TBL1X: variants seen among roughly 807,000 people sequenced by gnomAD.
TBL1X encodes the protein F-box-like/WD repeat-containing protein TBL1X.
Under a neutral mutation model 50.7 loss-of-function variants are expected in TBL1X, and 10 were observed. The observed-to-expected ratio is 0.20, with a 90% confidence interval of 0.12 to 0.33. TBL1X has a LOEUF of 0.33. Ranked by LOEUF, TBL1X falls within the 10% of genes least tolerant of loss-of-function variation. The pLI, the probability that TBL1X is intolerant of heterozygous loss-of-function variation, is 1.00. For synonymous variants in TBL1X, 190 were observed against 214.7 expected, an observed-to-expected ratio of 0.88 and a Z score of 1.01; for missense variants, 340 against 504.4, an observed-to-expected ratio of 0.67 and a Z score of 3.12.
intron 2 of TBL1X, among the ~76,000 whole-genome samples, chrX:9,531,863 G>A (rs1039396537): frequency 3.6e-5 from 4 of 110,789 alleles, no homozygotes; most frequent in African/African-American, 1.3e-4. Flanking sequence ...CCCCCTAGTA[G>A]CTGGGATTAT....
At chrX:9,526,181 GAA>G (rs747604160) in intron 2 of TBL1X, among the ~76,000 whole-genome samples, 4 of 106,414 alleles carry the variant, frequency 3.8e-5, no homozygotes, top group Admixed American at 3.0e-4. Flanking sequence ...GAGAGAGAGA[GAA>G]AAAAAAACAC....
At chrX:9,618,252 G>T (rs947986084) in intron 2 of TBL1X, among the ~76,000 whole-genome samples, 5 of 111,985 alleles carry the variant, frequency 4.5e-5, no homozygotes, top group Non-Finnish European at 9.4e-5. Context: ...AGGAGAAAAT[G>T]ATCAGGCCAT....
chrX:9,631,218 G>A (rs375747887), intron 2 of TBL1X, among the ~76,000 whole-genome samples: 6 of 111,205 alleles, frequency 5.4e-5, no homozygotes, highest in African/African-American at 2.0e-4. Flanking sequence ...GGGGTTTGTT[G>A]TACAGATTAT....
intron 2 of TBL1X, among the ~76,000 whole-genome samples, chrX:9,605,420 C>T (rs778236946): frequency 2.7e-5 from 3 of 112,481 alleles, no homozygotes; most frequent in South Asian, 3.7e-4. Flanking sequence ...GGGTCTCTTT[C>T]GATCAGGTAG....
chrX:9,556,458 G>C (rs1161948240), intron 2 of TBL1X, among the ~76,000 whole-genome samples: 1 of 107,765 alleles, frequency 9.3e-6, no homozygotes, highest in Non-Finnish European at 1.9e-5. Flanking sequence ...AGGAGTTCGA[G>C]ACCAGCCTGG....
At chrX:9,620,640 A>G (rs1392912295) in intron 2 of TBL1X, among the ~76,000 whole-genome samples, 2 of 112,068 alleles carry the variant, frequency 1.8e-5, no homozygotes, top group African/African-American at 6.5e-5. Context: ...AGGCCAGCAC[A>G]TGCGAAGGCC....
intron 9 of TBL1X, among the ~76,000 whole-genome samples, chrX:9,692,564 C>T (rs2146638774): frequency 8.9e-6 from 1 of 112,351 alleles, no homozygotes; most frequent in East Asian, 2.8e-4. Context: ...CATGCCACCA[C>T]ACCTGGCTAA....
At chrX:9,657,044 C>T (rs1194418395) in intron 5 of TBL1X, among the ~76,000 whole-genome samples, 1 of 112,406 alleles carries the variant, frequency 8.9e-6, no homozygotes, top group East Asian at 2.8e-4. Flanking sequence ...GAAGATGATT[C>T]ATTCCTCAGC....
rs188275367 is a variant in TBL1X, at chrX:9,599,013, G to A, written c.-130-41260G>A. Among the ~76,000 whole-genome samples, 627 of 108,160 alleles carry A rather than the reference G, an allele frequency of 5.8e-3. 4 individuals carry two copies. Among genetic ancestry groups the A allele is most frequent in the African/African-American group, 0.02 (581 of 29,661 alleles). 93.9% of individuals were successfully genotyped at this position (108,160 alleles called of 115,157 possible). On this transcript the variant is annotated intron_variant, in intron 2 of 17. Coordinates refer to ENST00000645353, the MANE Select transcript of TBL1X (RefSeq NM_005647.4). ...GGCTGGAGTGCAGTGGCGCGATCCC[G>A]GCTCACTGCAACCCCCGCCTCCTGG...
chrX:9,514,112 A>G (rs1337944918), intron 2 of TBL1X, among the ~76,000 whole-genome samples: 3 of 111,132 alleles, frequency 2.7e-5, no homozygotes, highest in African/African-American at 9.8e-5. Flanking sequence ...CATCCAAACT[A>G]TGTCACCAAA....
chrX:9,655,418 T>C (rs781148549), intron 5 of TBL1X, among the ~76,000 whole-genome samples: 1 of 111,313 alleles, frequency 9.0e-6, no homozygotes, highest in East Asian at 2.8e-4. Flanking sequence ...TAAAGACAGA[T>C]TGGATTCGGA....
chrX:9,692,287 A>G lies in TBL1X; in HGVS notation c.891+33A>G, dbSNP rs776190984. 4 of 1,144,530 alleles carry G rather than the reference A, an allele frequency of 3.5e-6. No individual in the cohort carries two copies. In the Admixed American group the frequency reaches 8.9e-5, roughly 25 times the overall value. 94.3% of individuals were successfully genotyped at this position (1,144,530 alleles called of 1,213,427 possible). Reference sequence around the variant, plus strand: ...TCTTCCACCCCCTGGGCACTTTGAAATTGGTAAAATCGGCCAGCCACCAGG... The same window carrying G: ...TCTTCCACCCCCTGGGCACTTTGAAGTTGGTAAAATCGGCCAGCCACCAGG... On this transcript the variant is annotated intron_variant, in intron 9 of 17. Transcript: ENST00000645353.
intron 2 of TBL1X, among the ~76,000 whole-genome samples, chrX:9,605,715 A>C (rs1010315302): frequency 8.5e-4 from 96 of 112,663 alleles, no homozygotes; most frequent in African/African-American, 2.9e-3. Flanking sequence ...CAGTAGACTA[A>C]GATTTTACTA....
At chrX:9,579,138 G>A (rs967289373) in intron 2 of TBL1X, among the ~76,000 whole-genome samples, 2 of 111,904 alleles carry the variant, frequency 1.8e-5, no homozygotes, top group African/African-American at 6.5e-5. Flanking sequence ...CAGAAGCGGG[G>A]TGCGGGGAGA....
At chrX:9,683,878 C>A in intron 5 of TBL1X, 165 bp from the exon 6 acceptor site, 1 of 739,001 alleles carries the variant, frequency 1.4e-6, no homozygotes, top group Non-Finnish European at 2.0e-6. Flanking sequence ...CCTTTCCCAC[C>A]TTACTGAACC....
intron 2 of TBL1X, among the ~76,000 whole-genome samples, chrX:9,574,391 C>G (rs1366185317): frequency 1.0e-5 from 1 of 98,898 alleles, no homozygotes; most frequent in Non-Finnish European, 2.0e-5. Flanking sequence ...GAGTTCGAGG[C>G]TACAAGTGAG....
intron 11 of TBL1X, among the ~76,000 whole-genome samples, chrX:9,695,727 G>A (rs1389830681): frequency 8.9e-6 from 1 of 112,067 alleles, no homozygotes; most frequent in East Asian, 2.8e-4. Context: ...GCAGAGTACA[G>A]AGGGATGGGA....
intron 7 of TBL1X, among the ~76,000 whole-genome samples, chrX:9,689,117 C>T (rs751883953): frequency 2.0e-4 from 23 of 113,477 alleles, no homozygotes; most frequent in African/African-American, 6.4e-4. Flanking sequence ...TGCGCACGCA[C>T]GCACACCTGT....
chrX:9,472,647 G>A (rs2081824009), intron 1 of TBL1X, among the ~76,000 whole-genome samples: 1 of 109,988 alleles, frequency 9.1e-6, no homozygotes, highest in African/African-American at 3.3e-5. Context: ...GGCCAGGTGT[G>A]GTGGCTCATG....
Sources: gnomAD v4.1 joint callset for allele counts (sites outside exome capture counted in the v4.1 genomes callset) on GRCh38, gnomAD v4.1.1 for gene constraint, MANE v1.5 for transcripts, NCBI Gene and HGNC (gene_info 2026-07-23, HGNC 2026-07-21) for gene names.